The following XKR4 variants were observed in gnomAD, a reference collection of about 807,000 sequenced individuals.
XKR4 encodes XK related 4.
XKR4 carries 12 observed loss-of-function variants against 53.9 expected under a neutral mutation model. The observed-to-expected ratio is 0.22, with a 90% CI of 0.14 to 0.36. The LOEUF (loss-of-function observed/expected upper bound fraction) is 0.36. XKR4 is among the 10% of genes least tolerant of loss of function. The probability of loss-of-function intolerance (pLI) is 1.00; values close to 1 mark genes in which losing one functional copy is unlikely to be tolerated. For synonymous variants in XKR4, 354 were observed against 362.4 expected (o/e 0.98, Z 0.26); for missense variants, 799 against 859.5 (o/e 0.93, Z 0.88).
intron 1 of XKR4, among the ~76,000 whole-genome samples, chr8:55,271,607 C>T (rs558678341): frequency 8.5e-5 from 13 of 152,336 alleles, no homozygotes; most frequent in Non-Finnish European, 1.9e-4. Context: ...AGCTTTATAG[C>T]GGAGAAACAA....
chr8:55,303,573 T>C (rs1261172132), intron 1 of XKR4, among the ~76,000 whole-genome samples: 1 of 152,256 alleles, frequency 6.6e-6, no homozygotes, highest in African/African-American at 2.4e-5. Flanking sequence ...GAAGGAATGG[T>C]ACCAGCTCCT....
chr8:55,305,407 G>A (rs1377879434), intron 1 of XKR4, among the ~76,000 whole-genome samples: 1 of 152,076 alleles, frequency 6.6e-6, no homozygotes, highest in African/African-American at 2.4e-5. Context: ...AAAGGAGGGG[G>A]TCACCGGAAG....
intron 1 of XKR4, among the ~76,000 whole-genome samples, chr8:55,289,591 G>GAA (rs751030167): frequency 0.027 from 1,819 of 66,812 alleles, 43 homozygotes; most frequent in African/African-American, 0.053. Context: ...AAGAAAGAAA[G>GAA]AGAAAGAAAG....
intron 1 of XKR4, among the ~76,000 whole-genome samples, chr8:55,283,521 A>C (rs747485278): frequency 6.6e-5 from 10 of 152,194 alleles, no homozygotes; most frequent in Non-Finnish European, 1.3e-4. Context: ...GTAGTAGCCA[A>C]ATGTCAGCAG....
At chr8:55,409,006 C>CAAA (rs36030680) in intron 2 of XKR4, among the ~76,000 whole-genome samples, 6 of 65,726 alleles carry the variant, frequency 9.1e-5, no homozygotes, top group African/African-American at 2.5e-4. Flanking sequence ...GACTCCGTCT[C>CAAA]AAAAAAAAAA....
chr8:55,380,964 C>T (rs1211608390), intron 2 of XKR4, among the ~76,000 whole-genome samples: 1 of 152,176 alleles, frequency 6.6e-6, no homozygotes. Flanking sequence ...TTTATTAATA[C>T]TCTATCTTCT....
chr8:55,189,775 A>T (rs893873990), intron 1 of XKR4, among the ~76,000 whole-genome samples: 1 of 152,128 alleles, frequency 6.6e-6, no homozygotes, highest in African/African-American at 2.4e-5. Context: ...CCTGTTCTTT[A>T]TAAAGTCTCC....
intron 2 of XKR4, among the ~76,000 whole-genome samples, chr8:55,499,594 T>G (rs974550912): frequency 1.2e-4 from 19 of 152,192 alleles, no homozygotes; most frequent in Non-Finnish European, 2.6e-4. Context: ...TCCTCACATC[T>G]GCAGTGACCT....
chr8:55,491,665 C>T (rs2929019), intron 2 of XKR4, among the ~76,000 whole-genome samples: 21,578 of 140,560 alleles, frequency 0.15, 1,656 homozygotes, highest in Non-Finnish European at 0.18. Flanking sequence ...TTTTTTATTG[C>T]TGGGGAGAGG....
In XKR4 at chr8:55,451,448, G is replaced by A. The variant is rs561625287; in HGVS notation, c.1007-71833G>A. ...GGCATGGAGCTGACAACAGCCTGCA[G>A]GTACTTCTCCTGCTCCAGGCTACTC... On this transcript the variant is annotated intron_variant, in intron 2 of 2. Coordinates refer to ENST00000327381, the MANE Select transcript of XKR4 (RefSeq NM_052898.2). The A allele has an allele frequency of 2.1e-4, 258 of 1,237,762 alleles. 1 individual carries two copies. The highest frequency in any genetic ancestry group is 2.5e-4 in the Non-Finnish European group (216 of 865,246). The allele number at this position is 1,237,762 out of a possible 1,614,324, so 76.7% of individuals were successfully genotyped here.
In XKR4 at chr8:55,364,632, G is replaced by A. The variant is rs375862124; in HGVS notation, c.1006+6755G>A. Reference sequence around the variant, plus strand: ...TTGTTTTGTTTTGTTTTGTTTTGTTGGGGTTTTTTTTGTTTTCTGAGACAG... The same window carrying A: ...TTGTTTTGTTTTGTTTTGTTTTGTTAGGGTTTTTTTTGTTTTCTGAGACAG... On this transcript the variant is annotated intron_variant, in intron 2 of 2. Transcript: ENST00000327381. Among the ~76,000 whole-genome samples the A allele has an allele frequency of 5.9e-3, 802 of 135,328 alleles. 5 individuals are homozygous for A. The highest frequency in any genetic ancestry group is 0.02 in the Middle Eastern group (5 of 254). The allele number at this position is 135,328 out of a possible 152,430, so 88.8% of individuals were successfully genotyped here.
At chr8:55,398,377 G>C (rs1439013758) in intron 2 of XKR4, among the ~76,000 whole-genome samples, 1 of 151,974 alleles carries the variant, frequency 6.6e-6, no homozygotes, top group East Asian at 1.9e-4. Context: ...TTTAGATATT[G>C]GTCCAGGGTT....
intron 1 of XKR4, among the ~76,000 whole-genome samples, chr8:55,123,649 G>A (rs1013407729): frequency 6.6e-6 from 1 of 152,176 alleles, no homozygotes; most frequent in African/African-American, 2.4e-5. Context: ...CCCTTAACAA[G>A]TAGCTTTGGT....
At chr8:55,353,341 A>G (rs1397114089) in intron 1 of XKR4, among the ~76,000 whole-genome samples, 1 of 152,194 alleles carries the variant, frequency 6.6e-6, no homozygotes, top group East Asian at 1.9e-4. Flanking sequence ...AGAAATTTAG[A>G]CACAGAAACA....
intron 1 of XKR4, among the ~76,000 whole-genome samples, chr8:55,294,521 A>G (rs935559654): frequency 6.6e-6 from 1 of 152,160 alleles, no homozygotes; most frequent in Non-Finnish European, 1.5e-5. Context: ...TGCACAGGTT[A>G]TCATATCTCC....
At chr8:55,381,546 G>A (rs934625894) in intron 2 of XKR4, among the ~76,000 whole-genome samples, 3 of 152,200 alleles carry the variant, frequency 2.0e-5, no homozygotes, top group African/African-American at 7.2e-5. Context: ...TGATGTCCGA[G>A]GGGAGGAGAA....
chr8:55,408,407 A>G (rs2622540), intron 2 of XKR4, among the ~76,000 whole-genome samples: 108,640 of 152,116 alleles, frequency 0.71, 39,925 homozygotes, highest in African/African-American at 0.89. Context: ...TCAGAAGTTA[A>G]GAGTCCTGGC....
chr8:55,290,847 T>G (rs922917322), intron 1 of XKR4, among the ~76,000 whole-genome samples: 6 of 152,176 alleles, frequency 3.9e-5, no homozygotes, highest in African/African-American at 1.4e-4. Context: ...AGACTTTGTC[T>G]CTTTAATGGG....
chr8:55,446,155 G>A (rs1408165390), intron 2 of XKR4, among the ~76,000 whole-genome samples: 1 of 138,506 alleles, frequency 7.2e-6, no homozygotes, highest in East Asian at 2.0e-4. Context: ...TTATTCCCAG[G>A]AAGGCAGAAA....
Sources: gnomAD v4.1 joint callset for allele counts (sites outside exome capture counted in the v4.1 genomes callset) on GRCh38, gnomAD v4.1.1 for gene constraint, MANE v1.5 for transcripts, NCBI Gene and HGNC (gene_info 2026-07-23, HGNC 2026-07-21) for gene names.